CNTNAP2: variants seen among roughly 807,000 people sequenced by gnomAD.
CNTNAP2 encodes the protein contactin-associated protein-like 2.
CNTNAP2 carries 98 observed loss-of-function variants against 155.2 expected under a neutral mutation model. That is an observed-to-expected ratio of 0.63 (90% CI 0.54 to 0.75). The LOEUF is 0.75. Among genes scored for constraint, CNTNAP2 ranks in the 30% least tolerant of loss-of-function variants. The probability of loss-of-function intolerance (pLI) is 0.00; values close to 1 mark genes in which losing one functional copy is unlikely to be tolerated. For missense variants in CNTNAP2, 1,727 were observed against 1,688.1 expected (o/e 1.02, Z -0.40); for synonymous variants, 651 against 631.2 (o/e 1.03, Z -0.47).
chr7:146,524,342 G>A (rs1160392501), intron 1 of CNTNAP2, among the ~76,000 whole-genome samples: 1 of 152,020 alleles, frequency 6.6e-6, no homozygotes, highest in Non-Finnish European at 1.5e-5. Context: ...CTCATTCATA[G>A]GAGTCTCAGG....
intron 13 of CNTNAP2, among the ~76,000 whole-genome samples, chr7:147,818,207 G>T (rs1364956971): frequency 1.3e-5 from 2 of 151,874 alleles, no homozygotes; most frequent in Non-Finnish European, 2.9e-5. Flanking sequence ...AAATTGCTTG[G>T]TTTCTTATCA....
intron 1 of CNTNAP2, among the ~76,000 whole-genome samples, chr7:146,725,091 C>T (rs13233524): frequency 0.037 from 5,528 of 150,838 alleles, 168 homozygotes; most frequent in Non-Finnish European, 0.057. Flanking sequence ...CTTCGTGGAC[C>T]TTCACTTGCA....
At chr7:146,721,614 ATATATT>A (rs1563203820) in intron 1 of CNTNAP2, among the ~76,000 whole-genome samples, 20 of 107,866 alleles carry the variant, frequency 1.9e-4, no homozygotes, top group African/African-American at 6.4e-4. Flanking sequence ...CATTCTATAT[ATATATT>A]CTATATACAT....
intron 13 of CNTNAP2, among the ~76,000 whole-genome samples, chr7:147,640,683 G>A (rs553559868): frequency 2.6e-5 from 4 of 152,206 alleles, no homozygotes; most frequent in Non-Finnish European, 4.4e-5. Flanking sequence ...TGGATAAAAC[G>A]ACATGGACAT....
chr7:146,440,199 G>C (rs1639446), intron 1 of CNTNAP2, among the ~76,000 whole-genome samples: 63,963 of 151,290 alleles, frequency 0.42, 16,636 homozygotes, highest in African/African-American at 0.71. Flanking sequence ...ACCAGTTGCT[G>C]TACTTTTTGG....
chr7:146,717,981 T>G (rs1801220842), intron 1 of CNTNAP2, among the ~76,000 whole-genome samples: 1 of 152,138 alleles, frequency 6.6e-6, no homozygotes, highest in Non-Finnish European at 1.5e-5. Context: ...GAAATTATTG[T>G]CAGATGCTTC....
chr7:146,773,302 T>C (rs540404675), intron 1 of CNTNAP2, among the ~76,000 whole-genome samples: 5 of 152,290 alleles, frequency 3.3e-5, no homozygotes, highest in African/African-American at 1.2e-4. Context: ...GTGCAGTTGA[T>C]TGGTTGAGCA....
At chr7:147,143,328 C>G (rs1801638731) in intron 8 of CNTNAP2, among the ~76,000 whole-genome samples, 1 of 152,150 alleles carries the variant, frequency 6.6e-6, no homozygotes, top group Admixed American at 6.6e-5. Context: ...TCTCACATGT[C>G]CTCTACAAAA....
intron 1 of CNTNAP2, among the ~76,000 whole-genome samples, chr7:146,428,412 G>GT (rs1174895953): frequency 1.3e-5 from 2 of 151,638 alleles, no homozygotes; most frequent in African/African-American, 2.4e-5. Flanking sequence ...AGAATCTGTT[G>GT]TTTTTTGACT....
chr7:147,528,445 A>G (rs1799365502), intron 11 of CNTNAP2, among the ~76,000 whole-genome samples: 1 of 152,032 alleles, frequency 6.6e-6, no homozygotes, highest in Non-Finnish European at 1.5e-5. Context: ...ACAGAACCTT[A>G]CTCATTCTGT....
At chr7:146,404,403 G>A (rs802191) in intron 1 of CNTNAP2, among the ~76,000 whole-genome samples, 1 of 151,856 alleles carries the variant, frequency 6.6e-6, no homozygotes, top group Non-Finnish European at 1.5e-5. Flanking sequence ...TCACTTGTGC[G>A]TTTTAGCAGG....
At chr7:146,118,220 A>G (rs1200395123) in intron 1 of CNTNAP2, among the ~76,000 whole-genome samples, 3 of 152,144 alleles carry the variant, frequency 2.0e-5, no homozygotes, top group African/African-American at 7.2e-5. Context: ...TCCTAAGTAC[A>G]GTATTAGCTT....
At chr7:146,211,100 C>G (rs1799027598) in intron 1 of CNTNAP2, among the ~76,000 whole-genome samples, 2 of 152,080 alleles carry the variant, frequency 1.3e-5, no homozygotes, top group African/African-American at 4.8e-5. Flanking sequence ...ATTTAACCAG[C>G]AAACAACTCT....
chr7:147,667,951 T>C (rs1304095038), intron 13 of CNTNAP2, among the ~76,000 whole-genome samples: 2 of 152,122 alleles, frequency 1.3e-5, no homozygotes, highest in East Asian at 3.9e-4. Flanking sequence ...AAGAAGATAC[T>C]CAAGAGGTTC....
At chr7:146,259,810 C>A (rs1268604084) in intron 1 of CNTNAP2, among the ~76,000 whole-genome samples, 1 of 152,182 alleles carries the variant, frequency 6.6e-6, no homozygotes, top group East Asian at 1.9e-4. Context: ...AACCTATTTT[C>A]TTGGGAGAAA....
chr7:146,852,309 G>A (rs2129203376), intron 3 of CNTNAP2, among the ~76,000 whole-genome samples: 1 of 152,272 alleles, frequency 6.6e-6, no homozygotes, highest in South Asian at 2.1e-4. Flanking sequence ...AGGAAGAGTT[G>A]TGCATCAACC....
rs183999848 is a variant in CNTNAP2 at position 146,380,992 on chromosome 7, G to A, written c.97+264019G>A. ...TTTTTGTATTTTTAGTAGAGACAGG[G>A]TTTCACCGTGTTAGCCAGGATGGTC... On this transcript the variant is annotated intron_variant, in intron 1 of 23. Coordinates refer to ENST00000361727, the MANE Select transcript of CNTNAP2 (RefSeq NM_014141.6). Among the ~76,000 whole-genome samples the A allele has an allele frequency of 4.5e-4, 68 of 150,788 alleles. 1 individual carries two copies. In the East Asian group the frequency reaches 0.012, roughly 27 times the overall value.
At chr7:147,849,932 G>C (rs933489090) in intron 13 of CNTNAP2, 1 of 152,220 alleles carries the variant, frequency 6.6e-6, no homozygotes, top group African/African-American at 2.4e-5. Flanking sequence ...AAGCTAAGCA[G>C]GGTTGGTTTG....
At position 147,655,004 on chromosome 7, in the gene CNTNAP2, A is replaced by G. The variant is rs112631497; in HGVS notation, c.2098+15698A>G. 5.9e-3 allele frequency among the ~76,000 whole-genome samples: 890 copies of G among 151,674 alleles called. 7 individuals carry two copies. The highest frequency in any genetic ancestry group is 0.021 in the African/African-American group (849 of 41,352). ...GCTAATTTTTGTATTTTTAGTAGAG[A>G]CAGGGTTTCACCATGTTGGCCAGGC... On this transcript the variant is annotated intron_variant, in intron 13 of 23. Coordinates refer to ENST00000361727, the MANE Select transcript of CNTNAP2 (RefSeq NM_014141.6).
Sources: gnomAD v4.1 joint callset for allele counts (sites outside exome capture counted in the v4.1 genomes callset) on GRCh38, gnomAD v4.1.1 for gene constraint, MANE v1.5 for transcripts, NCBI Gene and HGNC (gene_info 2026-07-23, HGNC 2026-07-21) for gene names.